Variants in PCMT1 observed in about 807,000 individuals in gnomAD.
PCMT1 encodes protein-L-isoaspartate(D-aspartate) O-methyltransferase.
A neutral mutation model predicts 29.2 loss-of-function variants in PCMT1; 9 were observed. That is an observed-to-expected ratio of 0.31 (90% CI 0.19 to 0.54). The LOEUF is 0.54. Ranked by LOEUF, PCMT1 falls within the 20% of genes least tolerant of loss-of-function variation. PCMT1 has a pLI of 0.95. For missense variants in PCMT1, 184 were observed against 282.2 expected (o/e 0.65, Z 2.49); for synonymous variants, 98 against 97.5 (o/e 1.00, Z -0.03).
rs568083500 is a variant in PCMT1, at chr6:149,804,743, C to T, written c.*37+2327C>T. Among the ~76,000 whole-genome samples, 8 of 152,228 alleles carry T rather than the reference C, an allele frequency of 5.3e-5. No individual in the cohort carries two copies. In the East Asian group the frequency reaches 1.4e-3, roughly 26 times the overall value. On this transcript the variant is annotated intron_variant, in intron 7 of 7. Coordinates refer to ENST00000464889, the MANE Select transcript of PCMT1 (RefSeq NM_001360452.2). ...TCTCGAACTCCTGACCTCAGGTGAT[C>T]TGCCCGCCTCGGCCTCCCAAAGTGC...
chr6:149,759,647 A>T (rs1355875842), intron 1 of PCMT1, among the ~76,000 whole-genome samples: 3 of 152,030 alleles, frequency 2.0e-5, no homozygotes, highest in Non-Finnish European at 4.4e-5. Flanking sequence ...GGCACCTGCC[A>T]CCACATCTGG....
rs143819385 is a variant in PCMT1, at chr6:149,795,484, T to G, written c.419-931T>G. 9.9e-6 allele frequency: 4 copies of G among 404,794 alleles called. No homozygotes were observed. The East Asian group carries it at 2.5e-4, about 26-fold the overall frequency. 25.1% of individuals were successfully genotyped at this position (404,794 alleles called of 1,614,324 possible). A position where few individuals can be genotyped will look rare whatever the true frequency, so the allele number is the denominator to read the frequency against. On this transcript the variant is annotated intron_variant, in intron 5 of 7. Coordinates refer to ENST00000464889, the MANE Select transcript of PCMT1 (RefSeq NM_001360452.2). ...CAATAGTGAGTAACACTATATTTGT[T>G]GTAGACCCATCCGTTTCTACTGCAC... is the stretch of plus-strand genomic sequence containing the variant.
chr6:149,809,929 C>T (rs1776118560), intron 7 of PCMT1: 1 of 152,060 alleles, frequency 6.6e-6, no homozygotes. Context: ...TTGTGGGCTT[C>T]TCTCGTGGTT....
chr6:149,764,584 T>C (rs1435670035), intron 1 of PCMT1, among the ~76,000 whole-genome samples: 2 of 151,814 alleles, frequency 1.3e-5, no homozygotes, highest in Admixed American at 6.6e-5. Flanking sequence ...AAAAAAACTT[T>C]TAAAAATTAG....
chr6:149,774,958 C>T (rs547739121), intron 3 of PCMT1, among the ~76,000 whole-genome samples: 105 of 152,222 alleles, frequency 6.9e-4, no homozygotes, highest in African/African-American at 2.1e-3. Context: ...CCGCCCGCCT[C>T]GGCCTCCCAA....
chr6:149,771,026 A>C, intron 1 of PCMT1, 136 bp from the exon 2 acceptor site: 4 of 498,436 alleles, frequency 8.0e-6, no homozygotes, highest in Non-Finnish European at 1.4e-5. Flanking sequence ...CCAGGTTGCC[A>C]TTACCTGGGC....
chr6:149,772,283 A>C (rs1787358874), intron 2 of PCMT1: 1 of 339,932 alleles, frequency 2.9e-6, no homozygotes, highest in African/African-American at 2.2e-5. Context: ...CCACAAGAAA[A>C]GAAACTAAAA....
chr6:149,767,439 A>C (rs1787136600), intron 1 of PCMT1, among the ~76,000 whole-genome samples: 2 of 151,700 alleles, frequency 1.3e-5, no homozygotes, highest in South Asian at 4.2e-4. Flanking sequence ...CTTTGCTTTG[A>C]ATCTTGCTCT....
rs536160889 is a variant in PCMT1, at chr6:149,779,456, C to T, written c.192+6287C>T. Among the ~76,000 whole-genome samples, 154 of 152,258 alleles carry T rather than the reference C, an allele frequency of 1.0e-3. 1 individual carries two copies. Among genetic ancestry groups the T allele is most frequent in the African/African-American group, 3.2e-3 (134 of 41,558 alleles). On this transcript the variant is annotated intron_variant, in intron 3 of 7. Coordinates refer to ENST00000464889, the MANE Select transcript of PCMT1 (RefSeq NM_001360452.2). ...TAATTAGACACTCTCCTGAACTGTG[C>T]TCAGTCTCTCCCGTCTCTGATTTGT...
chr6:149,803,077 A>T (rs9689190), intron 7 of PCMT1, among the ~76,000 whole-genome samples: 1 of 135,732 alleles, frequency 7.4e-6, no homozygotes, highest in Admixed American at 8.1e-5. Context: ...AAAAAAAAAA[A>T]AAAAACAAGG....
Position 149,810,922 on chromosome 6 carries a change from T to C in PCMT1, c.*344T>C, listed in dbSNP as rs1222164442. 1 of 306,136 alleles carries C rather than the reference T, an allele frequency of 3.3e-6. No homozygotes were observed. The highest frequency in any genetic ancestry group is 2.2e-5 in the African/African-American group (1 of 46,042). The allele number at this position is 306,136 out of a possible 1,614,324, so 19.0% of individuals were successfully genotyped here. On this transcript the variant is annotated 3_prime_UTR_variant, in exon 8 of 8. Coordinates refer to ENST00000464889, the MANE Select transcript of PCMT1 (RefSeq NM_001360452.2). ...TAAAATGGAAAACTTAGTTTGTGAA[T>C]TGATTTTGAGGAGTGGTTTTTCTTT...
At chr6:149,771,864 G>C (rs758607215) in intron 2 of PCMT1, 6 of 400,074 alleles carry the variant, frequency 1.5e-5, no homozygotes, top group Non-Finnish European at 2.4e-5. Flanking sequence ...GCCGAGTGCT[G>C]AGTTTTCTTT....
At chr6:149,809,258 C>CAAAAA (rs1209712068) in intron 7 of PCMT1, among the ~76,000 whole-genome samples, 1,111 of 46,940 alleles carry the variant, frequency 0.024, 126 homozygotes, top group African/African-American at 0.054. Flanking sequence ...GACTCTGTCT[C>CAAAAA]AAAAAAAAAA....
At chr6:149,773,035 A>T in intron 2 of PCMT1, 103 bp from the exon 3 acceptor site, 10 of 907,736 alleles carry the variant, frequency 1.1e-5, no homozygotes, top group East Asian at 2.6e-5. Flanking sequence ...AAAAAAAAAA[A>T]GAATTATTGT....
intron 5 of PCMT1, chr6:149,794,832 G>A (rs1003531046): frequency 1.2e-5 from 6 of 489,458 alleles, no homozygotes; most frequent in African/African-American, 1.2e-4. Flanking sequence ...GATAGACGAA[G>A]GTCAAGTGAC....
intron 1 of PCMT1, among the ~76,000 whole-genome samples, chr6:149,769,369 C>G (rs1403197281): frequency 1.5e-5 from 2 of 130,222 alleles, no homozygotes; most frequent in Non-Finnish European, 3.1e-5. Context: ...GGCTGGAGTT[C>G]AGTGGCACGA....
At chr6:149,785,382 G>T in intron 3 of PCMT1, among the ~76,000 whole-genome samples, 2 of 137,720 alleles carry the variant, frequency 1.5e-5, no homozygotes, top group Admixed American at 7.3e-5. Context: ...TAATTTAAAT[G>T]TGGTATGTTT....
intron 1 of PCMT1, among the ~76,000 whole-genome samples, chr6:149,754,777 A>G (rs1786449504): frequency 6.6e-6 from 1 of 152,150 alleles, no homozygotes; most frequent in Non-Finnish European, 1.5e-5. Context: ...CAGCATATCT[A>G]TGCTGTCTAC....
intron 7 of PCMT1, among the ~76,000 whole-genome samples, chr6:149,806,440 TAGTA>T (rs751368080): frequency 6.6e-6 from 1 of 152,154 alleles, no homozygotes; most frequent in Non-Finnish European, 1.5e-5. Context: ...AAGGCAGTGT[TAGTA>T]AGGATAGAGA....
Sources: gnomAD v4.1 joint callset for allele counts (sites outside exome capture counted in the v4.1 genomes callset) on GRCh38, gnomAD v4.1.1 for gene constraint, MANE v1.5 for transcripts, NCBI Gene and HGNC (gene_info 2026-07-23, HGNC 2026-07-21) for gene names.